PPARG: variants seen among roughly 807,000 people sequenced by gnomAD.
PPARG encodes the protein peroxisome proliferator-activated receptor gamma.
A neutral mutation model predicts 39.2 loss-of-function variants in PPARG; 17 were observed. The ratio of observed to expected loss-of-function variants is 0.43; its 90% CI spans 0.30 to 0.65. The LOEUF (loss-of-function observed/expected upper bound fraction) is 0.65, where lower values mean the gene tolerates loss of function less well. PPARG is among the 30% of genes least tolerant of loss of function. The pLI, the probability that PPARG is intolerant of heterozygous loss-of-function variation, is 0.13. For missense variants in PPARG, 406 were observed against 585.9 expected (o/e 0.69, Z 3.17); for synonymous variants, 223 against 215.7 (o/e 1.03, Z -0.30).
At chr3:12,386,149 T>C (rs1231242075) in intron 4 of PPARG, among the ~76,000 whole-genome samples, 1 of 152,158 alleles carries the variant, frequency 6.6e-6, no homozygotes, top group East Asian at 1.9e-4. Context: ...AAAGTGTTAT[T>C]AGAGTGTTTC....
intron 4 of PPARG, among the ~76,000 whole-genome samples, chr3:12,388,805 A>G (rs2049969949): frequency 6.6e-6 from 1 of 152,210 alleles, no homozygotes; most frequent in African/African-American, 2.4e-5. Flanking sequence ...GCAACAATAA[A>G]CTATTAGGAA....
At chr3:12,291,601 T>C (rs538906182) in intron 1 of PPARG, among the ~76,000 whole-genome samples, 1 of 152,316 alleles carries the variant, frequency 6.6e-6, no homozygotes, top group Non-Finnish European at 1.5e-5. Flanking sequence ...AGTAGGTTCT[T>C]GGGATAAAAT....
chr3:12,316,512 G>A (rs761597500), intron 2 of PPARG, among the ~76,000 whole-genome samples: 11 of 151,970 alleles, frequency 7.2e-5, no homozygotes, highest in Non-Finnish European at 1.5e-4. Flanking sequence ...CTGGAGAATG[G>A]TTACACAACA....
chr3:12,407,201 G>GCAC (rs2050702885), intron 6 of PPARG, among the ~76,000 whole-genome samples: 1 of 151,812 alleles, frequency 6.6e-6, no homozygotes, highest in Non-Finnish European at 1.5e-5. Flanking sequence ...TTGCTCTGTT[G>GCAC]CCAGGCTGGA....
Position 12,335,667 on chromosome 3 carries a change from A to G in PPARG, c.-9+23214A>G, listed in dbSNP as rs184588711. Reference sequence around the variant, plus strand: ...CTACGGCAAAAACTTTGCAATTCTCACCCTCTACAAAACAGCTGCCCTGTG... The same window carrying G: ...CTACGGCAAAAACTTTGCAATTCTCGCCCTCTACAAAACAGCTGCCCTGTG... On this transcript the variant is annotated intron_variant, in intron 2 of 7. Transcript: ENST00000651735. Among the ~76,000 whole-genome samples, 89 of 152,322 alleles carry G rather than the reference A, an allele frequency of 5.8e-4. 1 individual carries two copies. In the East Asian group the frequency reaches 6.0e-3, roughly 10 times the overall value.
chr3:12,396,274 A>C (rs1355040393), intron 5 of PPARG, among the ~76,000 whole-genome samples: 1 of 151,950 alleles, frequency 6.6e-6, no homozygotes, highest in Non-Finnish European at 1.5e-5. Flanking sequence ...GGTGCCCGAA[A>C]CCATACCCAG....
At chr3:12,357,337 C>G (rs561060558) in intron 2 of PPARG, among the ~76,000 whole-genome samples, 5 of 152,188 alleles carry the variant, frequency 3.3e-5, no homozygotes, top group Non-Finnish European at 7.3e-5. Context: ...GCTGTTCCTT[C>G]CACATTCCAG....
rs1424810408 is a variant in PPARG, at chr3:12,347,224, A to G, written c.-8-32480A>G. Among the ~76,000 whole-genome samples, 3 of 151,522 alleles carry G rather than the reference A, an allele frequency of 2.0e-5. 1 individual carries two copies. Among genetic ancestry groups the G allele is most frequent in the East Asian group, 3.9e-4 (2 of 5,110 alleles). On this transcript the variant is annotated intron_variant, in intron 2 of 7. Coordinates refer to ENST00000651735, the MANE Select transcript of PPARG (RefSeq NM_138711.6). The stretch of plus-strand genomic sequence containing the variant: ...ACACAGCTGAGTGTGGTGGCGAGCA[A>G]CTGAAATCCTAGCTGCTCTGGAGGC...
chr3:12,336,672 GC>G (rs937448882), intron 2 of PPARG, among the ~76,000 whole-genome samples: 2 of 152,078 alleles, frequency 1.3e-5, no homozygotes, highest in Admixed American at 6.6e-5. Context: ...ATAGTTAAGT[GC>G]CTTTATTTTG....
chr3:12,415,114 G>C (rs758894146), intron 6 of PPARG, among the ~76,000 whole-genome samples: 1 of 152,138 alleles, frequency 6.6e-6, no homozygotes, highest in Non-Finnish European at 1.5e-5. Flanking sequence ...CCTTTCAGGA[G>C]AGAATTGTCA....
At chr3:12,302,625 G>A (rs2046957088) in intron 1 of PPARG, among the ~76,000 whole-genome samples, 1 of 152,150 alleles carries the variant, frequency 6.6e-6, no homozygotes, top group Non-Finnish European at 1.5e-5. Context: ...AGAGTTAAGG[G>A]AAGGTTTGCA....
chr3:12,405,312 C>T (rs1418524611), intron 5 of PPARG, among the ~76,000 whole-genome samples: 2 of 152,172 alleles, frequency 1.3e-5, no homozygotes, highest in Admixed American at 1.3e-4. Context: ...ATAACTATGG[C>T]TTCTCTCCGC....
intron 3 of PPARG, among the ~76,000 whole-genome samples, chr3:12,380,474 CA>C (rs2049603388): frequency 6.6e-6 from 1 of 152,146 alleles, no homozygotes; most frequent in African/African-American, 2.4e-5. Flanking sequence ...ATCAAAACAT[CA>C]GACTCAAGAA....
intron 7 of PPARG, among the ~76,000 whole-genome samples, chr3:12,417,613 C>T (rs534293077): frequency 7.2e-5 from 11 of 152,124 alleles, no homozygotes; most frequent in East Asian, 1.9e-4. Context: ...TAAGATACTA[C>T]TTTGAATTGC....
chr3:12,397,936 T>G (rs937961310), intron 5 of PPARG, among the ~76,000 whole-genome samples: 1 of 152,070 alleles, frequency 6.6e-6, no homozygotes, highest in African/African-American at 2.4e-5. Context: ...AAACCCTGCA[T>G]TTTGCTGTTC....
chr3:12,414,673 C>T (rs935674058), intron 6 of PPARG, among the ~76,000 whole-genome samples: 1 of 151,822 alleles, frequency 6.6e-6, no homozygotes, highest in African/African-American at 2.4e-5. Context: ...CCCTTGTATT[C>T]CTCCCATTAA....
chr3:12,383,121 AGTC>A (rs2049743885), intron 4 of PPARG, among the ~76,000 whole-genome samples: 1 of 152,202 alleles, frequency 6.6e-6, no homozygotes, highest in African/African-American at 2.4e-5. Flanking sequence ...CACTTTCCAA[AGTC>A]ATTAGCCAGT....
chr3:12,410,689 G>A (rs183567122), intron 6 of PPARG, among the ~76,000 whole-genome samples: 6 of 152,306 alleles, frequency 3.9e-5, no homozygotes, highest in Non-Finnish European at 8.8e-5. Context: ...TAAATAGTGT[G>A]TGAAATATGA....
At chr3:12,298,701 G>A (rs1157098870) in intron 1 of PPARG, among the ~76,000 whole-genome samples, 6 of 152,120 alleles carry the variant, frequency 3.9e-5, no homozygotes, top group African/African-American at 1.4e-4. Context: ...TTAATGATAA[G>A]CCAAGACAAA....
Sources: allele counts gnomAD v4.1 joint callset (sites outside exome capture counted in the v4.1 genomes callset), GRCh38; gene constraint gnomAD v4.1.1; transcripts MANE v1.5; gene names NCBI Gene and HGNC (gene_info 2026-07-23, HGNC 2026-07-21).